The following FARS2 variants were observed in gnomAD, a reference collection of about 807,000 sequenced individuals.
The protein encoded by FARS2 is phenylalanyl-tRNA synthetase 2, mitochondrial, also known as phenylalanine--tRNA ligase, mitochondrial.
In FARS2, 40 loss-of-function variants were observed where a neutral mutation model predicts 46.4. The ratio of observed to expected loss-of-function variants is 0.86; its 90% CI spans 0.67 to 1.12. The LOEUF (loss-of-function observed/expected upper bound fraction) is 1.12. Among genes scored for constraint, FARS2 ranks in the 50% most tolerant of loss-of-function variants. The pLI is 0.00. For missense variants in FARS2, 513 were observed against 567.9 expected (o/e 0.90, Z 0.98); for synonymous variants, 234 against 214.9 (o/e 1.09, Z -0.78).
At chr6:5,376,288 C>G (rs1190976408) in intron 2 of FARS2, among the ~76,000 whole-genome samples, 1 of 152,154 alleles carries the variant, frequency 6.6e-6, no homozygotes, top group Non-Finnish European at 1.5e-5. Context: ...GGCTGATAAA[C>G]AAGGACCAGC....
At chr6:5,549,909 T>C (rs1771269740) in intron 5 of FARS2, among the ~76,000 whole-genome samples, 2 of 152,090 alleles carry the variant, frequency 1.3e-5, no homozygotes, top group African/African-American at 2.4e-5. Context: ...CAAAATCAAC[T>C]CAAAATCCAA....
At chr6:5,401,667 C>T (rs958689011) in intron 2 of FARS2, among the ~76,000 whole-genome samples, 1 of 151,904 alleles carries the variant, frequency 6.6e-6, no homozygotes, top group Non-Finnish European at 1.5e-5. Context: ...TGTGACATTC[C>T]TATGCTCTTG....
At chr6:5,547,144 G>C (rs1433879448) in intron 5 of FARS2, among the ~76,000 whole-genome samples, 1 of 151,868 alleles carries the variant, frequency 6.6e-6, no homozygotes, top group African/African-American at 2.4e-5. Context: ...TAGATACAGG[G>C]TTTCACCATG....
intron 6 of FARS2, among the ~76,000 whole-genome samples, chr6:5,751,002 TATA>T (rs1367167917): frequency 2.6e-5 from 4 of 152,070 alleles, no homozygotes; most frequent in Admixed American, 6.6e-5. Flanking sequence ...ACTTCGTAAA[TATA>T]ATAAGTTAGG....
At chr6:5,322,453 TGA>T (rs1321945180) in intron 1 of FARS2, among the ~76,000 whole-genome samples, 1 of 152,194 alleles carries the variant, frequency 6.6e-6, no homozygotes, top group Non-Finnish European at 1.5e-5. Context: ...ATGTTCTCAT[TGA>T]GTAGTTTTTT....
At chr6:5,376,425 T>C (rs1054580051) in intron 2 of FARS2, among the ~76,000 whole-genome samples, 1 of 152,202 alleles carries the variant, frequency 6.6e-6, no homozygotes, top group Admixed American at 6.5e-5. Context: ...TATAGCCTTC[T>C]ATTGGGAGTG....
At chr6:5,609,419 A>G (rs1365796281) in intron 5 of FARS2, 7 of 1,260,790 alleles carry the variant, frequency 5.6e-6, no homozygotes, top group Non-Finnish European at 8.0e-6. Context: ...TGTAGCTTCC[A>G]CCACCTCCAA....
intron 6 of FARS2, among the ~76,000 whole-genome samples, chr6:5,643,049 A>C (rs535132472): frequency 6.6e-6 from 1 of 152,254 alleles, no homozygotes; most frequent in South Asian, 2.1e-4. Context: ...GGTTCAGAGC[A>C]TGAGTTTCAG....
intron 4 of FARS2, chr6:5,466,876 G>A (rs1032910113): frequency 2.0e-6 from 2 of 985,414 alleles, no homozygotes; most frequent in Non-Finnish European, 2.4e-6. Flanking sequence ...CTCTTCTATG[G>A]ATTCCTTGAA....
intron 5 of FARS2, among the ~76,000 whole-genome samples, chr6:5,582,246 C>T (rs1336452707): frequency 3.0e-5 from 4 of 133,114 alleles, no homozygotes; most frequent in Non-Finnish European, 4.9e-5. Flanking sequence ...ATTCCTGATG[C>T]GCTTCTATAA....
intron 6 of FARS2, among the ~76,000 whole-genome samples, chr6:5,747,104 A>C (rs890586881): frequency 2.0e-5 from 3 of 152,214 alleles, no homozygotes; most frequent in African/African-American, 7.2e-5. Context: ...TTTGAGGAAC[A>C]GGCAGTGGTA....
chr6:5,340,270 G>A (rs1381367437), intron 1 of FARS2, among the ~76,000 whole-genome samples: 1 of 152,186 alleles, frequency 6.6e-6, no homozygotes, highest in Non-Finnish European at 1.5e-5. Flanking sequence ...TACCCCACAT[G>A]TCCAGGAAGC....
At chr6:5,712,499 T>A (rs1037071177) in intron 6 of FARS2, among the ~76,000 whole-genome samples, 8 of 152,176 alleles carry the variant, frequency 5.3e-5, no homozygotes, top group Non-Finnish European at 1.2e-4. Context: ...AACCACCGTT[T>A]CCCCTACTGT....
intron 6 of FARS2, among the ~76,000 whole-genome samples, chr6:5,618,176 A>G (rs1360905971): frequency 6.6e-6 from 1 of 152,136 alleles, no homozygotes; most frequent in East Asian, 1.9e-4. Context: ...TAGGTTGCTA[A>G]CCCTTGATTT....
intron 2 of FARS2, among the ~76,000 whole-genome samples, chr6:5,370,916 T>C (rs1759019863): frequency 6.6e-6 from 1 of 152,228 alleles, no homozygotes; most frequent in Admixed American, 6.5e-5. Context: ...AAGGTGCATC[T>C]GTGTTCATTG....
intron 6 of FARS2, among the ~76,000 whole-genome samples, chr6:5,760,209 C>T (rs1169034559): frequency 1.3e-5 from 2 of 152,166 alleles, no homozygotes; most frequent in African/African-American, 2.4e-5. Flanking sequence ...CCATTAGTCG[C>T]TGAAGAAATA....
chr6:5,525,786 A>G (rs966365430), intron 4 of FARS2, among the ~76,000 whole-genome samples: 18 of 152,242 alleles, frequency 1.2e-4, no homozygotes, highest in African/African-American at 4.3e-4. Flanking sequence ...GCTTCAGCCA[A>G]GGAGTTATAG....
At chr6:5,380,453 C>T (rs866120227) in intron 2 of FARS2, among the ~76,000 whole-genome samples, 1 of 152,166 alleles carries the variant, frequency 6.6e-6, no homozygotes. Flanking sequence ...GTAAACTTCA[C>T]GCCTTGCTAG....
At chr6:5,281,088 G>T (rs1766692553) in intron 1 of FARS2, among the ~76,000 whole-genome samples, 2 of 152,282 alleles carry the variant, frequency 1.3e-5, no homozygotes, top group African/African-American at 4.8e-5. Context: ...TTCCTTTGTA[G>T]GGCTAACCGT....
Sources: allele counts gnomAD v4.1 joint callset (sites outside exome capture counted in the v4.1 genomes callset), GRCh38; gene constraint gnomAD v4.1.1; transcripts MANE v1.5; gene names NCBI Gene and HGNC (gene_info 2026-07-23, HGNC 2026-07-21).